The following PRPF31 variants were observed in gnomAD, a reference collection of about 807,000 sequenced individuals.
PRPF31 encodes the protein U4/U6 small nuclear ribonucleoprotein Prp31.
In PRPF31, 12 loss-of-function variants were observed where a neutral mutation model predicts 60.4. The ratio of observed to expected loss-of-function variants is 0.20; its 90% CI spans 0.13 to 0.32. The LOEUF (loss-of-function observed/expected upper bound fraction) is 0.32. Ranked by LOEUF, PRPF31 falls within the 10% of genes least tolerant of loss-of-function variation. The pLI, the probability that PRPF31 is intolerant of heterozygous loss-of-function variation, is 1.00. For synonymous variants in PRPF31, 287 were observed against 287.9 expected (o/e 1.00, Z 0.03); for missense variants, 431 against 687.1 (o/e 0.63, Z 4.17).
chr19:54,127,470 T>C (rs1404915344), intron 9 of PRPF31, among the ~76,000 whole-genome samples: 1 of 152,146 alleles, frequency 6.6e-6, no homozygotes, highest in Non-Finnish European at 1.5e-5. Context: ...TCTTCCCAGC[T>C]CACAATCCTT....
intron 3 of PRPF31, 160 bp from the exon 4 acceptor site, chr19:54,121,700 C>T: frequency 1.4e-6 from 1 of 735,590 alleles, no homozygotes; most frequent in South Asian, 1.5e-5. Context: ...GGCAGGAACA[C>T]AAGTTCAGGG....
intron 6 of PRPF31, 61 bp downstream of exon 6, chr19:54,123,621 C>A: frequency 7.5e-6 from 12 of 1,607,418 alleles, no homozygotes; most frequent in Non-Finnish European, 1.0e-5. Context: ...GCTGGAGCTA[C>A]ACACGCAGGT....
chr19:54,123,045 AAG>A (rs2073831607), intron 5 of PRPF31: 2 of 442,600 alleles, frequency 4.5e-6, no homozygotes, highest in Non-Finnish European at 8.4e-6. Flanking sequence ...GGTTTCGGAA[AAG>A]AGGGGCAGGT....
chr19:54,118,220 G>A, intron 1 of PRPF31, 51 bp from the exon 2 acceptor site: 1 of 1,611,808 alleles, frequency 6.2e-7, no homozygotes, highest in Non-Finnish European at 8.5e-7. Flanking sequence ...CAGTAATAAG[G>A]AGGGACTTTG....
intron 1 of PRPF31, among the ~76,000 whole-genome samples, chr19:54,117,971 T>C (rs1305000544): frequency 6.6e-6 from 1 of 152,164 alleles, no homozygotes; most frequent in Non-Finnish European, 1.5e-5. Context: ...AAAGTATGTT[T>C]TCAAGGCTAA....
At chr19:54,130,098 G>A (rs1403887018) in intron 13 of PRPF31, among the ~76,000 whole-genome samples, 1 of 138,730 alleles carries the variant, frequency 7.2e-6, no homozygotes, top group Non-Finnish European at 1.6e-5. Flanking sequence ...GATGTCCAGT[G>A]TAGGAGAAGG....
At position 54,118,403 on chromosome 19, in the gene PRPF31, A is replaced by G; in HGVS notation, c.125A>G (p.Asp42Gly). 1 of 1,614,156 alleles carries G rather than the reference A, an allele frequency of 6.2e-7. No homozygotes were observed. Among genetic ancestry groups the G allele is most frequent in the Non-Finnish European group, 8.5e-7 (1 of 1,180,042 alleles). Residue 42 changes from aspartate (D) to glycine (G), a missense_variant, in exon 2 of 14, where the codon GAT (aspartate) becomes GGT (glycine). Transcript: ENST00000321030. ...IEDVQEETQL[D>G]LSGDSVKTIA... Reference sequence around the variant, plus strand: ...GATGTGCAGGAGGAGACACAGCTGGATCTTTCCGGGGATTCAGTCAAGACC... The same window carrying G: ...GATGTGCAGGAGGAGACACAGCTGGGTCTTTCCGGGGATTCAGTCAAGACC...
In PRPF31 at chr19:54,129,267, C is replaced by T. The variant is rs1410441666; in HGVS notation, c.1276-5C>T. ...CAGATCGCAGCCTCCCTGTCCTCCCCACAGCGGACCCTGCAGAAGCAGAGC... is the reference window on the plus strand; with the variant it reads ...CAGATCGCAGCCTCCCTGTCCTCCCTACAGCGGACCCTGCAGAAGCAGAGC... On this transcript the variant is annotated splice_polypyrimidine_tract_variant and splice_region_variant and intron_variant, in intron 12 of 13. Transcript: ENST00000321030. 1 of 1,610,768 alleles carries T rather than the reference C, an allele frequency of 6.2e-7. No individual in the cohort carries two copies. Among genetic ancestry groups the T allele is most frequent in the Non-Finnish European group, 8.5e-7 (1 of 1,179,186 alleles).
At chr19:54,123,585 C>T (rs368324990) in intron 6 of PRPF31, 25 bp downstream of exon 6, 215 of 1,610,808 alleles carry the variant, frequency 1.3e-4, no homozygotes, top group Middle Eastern at 3.3e-4. Context: ...AGGGAGGCGC[C>T]GGGCCCTAAT....
At chr19:54,125,072 A>G in intron 8 of PRPF31, 1 of 317,080 alleles carries the variant, frequency 3.2e-6, no homozygotes, top group Non-Finnish European at 6.2e-6. Flanking sequence ...TGAGGGCTGC[A>G]CATCAGCCAT....
chr19:54,120,899 C>T (rs2073769396), intron 3 of PRPF31, among the ~76,000 whole-genome samples: 1 of 152,132 alleles, frequency 6.6e-6, no homozygotes, highest in East Asian at 1.9e-4. Flanking sequence ...CAGGTATGAG[C>T]CACTGTGCCT....
At chr19:54,124,297 C>T in intron 7 of PRPF31, 1 of 650,802 alleles carries the variant, frequency 1.5e-6, no homozygotes, top group Non-Finnish European at 2.7e-6. Flanking sequence ...CCCAGGCCAG[C>T]TGCCCTCCCT....
chr19:54,126,412 A>G lies in PRPF31; in HGVS notation c.856-116A>G, dbSNP rs587627630. On this transcript the variant is annotated intron_variant, in intron 8 of 13. Coordinates refer to ENST00000321030, the MANE Select transcript of PRPF31 (RefSeq NM_015629.4). ...ACACACCTCTAGAGCCCAAGGGTGGAAAGCCCCCTTCCAGGACCCCAGGTA... is the reference window on the plus strand; with the variant it reads ...ACACACCTCTAGAGCCCAAGGGTGGGAAGCCCCCTTCCAGGACCCCAGGTA... The G allele has an allele frequency of 7.5e-6, 7 of 933,940 alleles. No homozygotes were observed. The East Asian group carries it at 1.0e-4, about 14-fold the overall frequency. 57.9% of individuals were successfully genotyped at this position (933,940 alleles called of 1,614,324 possible). A position where few individuals can be genotyped will look rare whatever the true frequency, so the allele number is the denominator to read the frequency against.
chr19:54,123,948 G>A lies in PRPF31; in HGVS notation c.697+30G>A, dbSNP rs201265344. On this transcript the variant is annotated intron_variant, in intron 7 of 13. Transcript: ENST00000321030. ...GTCCCCGGGCTGGGTCCCATGGAGC[G>A]GGGGTCTGCTGACACTGTGACCTTG... The A allele has an allele frequency of 3.7e-5, 59 of 1,611,736 alleles. No individual in the cohort carries two copies. In the Admixed American group the frequency reaches 4.7e-4, roughly 13 times the overall value.
chr19:54,117,489 T>C (rs1369265124), intron 1 of PRPF31, among the ~76,000 whole-genome samples: 1 of 152,178 alleles, frequency 6.6e-6, no homozygotes, highest in Non-Finnish European at 1.5e-5. Context: ...ACGTTGTAGA[T>C]TGATCGCCTT....
At chr19:54,128,774 T>G (rs587771489) in intron 11 of PRPF31, among the ~76,000 whole-genome samples, 343 of 152,258 alleles carry the variant, frequency 2.3e-3, no homozygotes, top group Admixed American at 5.1e-3. Flanking sequence ...ATTAAACCTG[T>G]TCTGGTTCCT....
At chr19:54,124,960 G>A in intron 8 of PRPF31, 1 of 541,984 alleles carries the variant, frequency 1.8e-6, no homozygotes, top group Non-Finnish European at 3.3e-6. Context: ...AGCACTTACA[G>A]TTCAGGCCTA....
chr19:54,128,091 G>A lies in PRPF31; in HGVS notation c.964G>A (p.Asp322Asn). Residue 322 changes from aspartate (D) to asparagine (N), a missense_variant, in exon 10 of 14, where the codon GAT (aspartate) becomes AAT (asparagine). This residue lies in a region of PRPF31 where 314 missense variants were observed against 475.3 expected (regional missense o/e 0.66). Transcript: ENST00000321030. ...TEGKVGYELK[D>N]EIERKFDKWQ... The stretch of plus-strand genomic sequence containing the variant: ...TCCCCAGGTGGGCTACGAACTGAAG[G>A]ATGAGATCGAGCGCAAATTCGACAA... The A allele has an allele frequency of 1.3e-6, 2 of 1,549,088 alleles. No individual in the cohort carries two copies. Among genetic ancestry groups the A allele is most frequent in the Non-Finnish European group, 1.7e-6 (2 of 1,146,962 alleles).
At chr19:54,124,468 G>GC (rs749277770) in intron 7 of PRPF31, 31 bp from the exon 8 acceptor site, 74 of 1,559,834 alleles carry the variant, frequency 4.7e-5, no homozygotes, top group African/African-American at 2.3e-4. Flanking sequence ...TCTTCTGACC[G>GC]CCCCCCCTTC....
Sources: gnomAD v4.1 joint callset for allele counts (sites outside exome capture counted in the v4.1 genomes callset) on GRCh38, gnomAD v4.1.1 for gene constraint, gnomAD v4.1.1 regional missense constraint, MANE v1.5 for transcripts, NCBI Gene and HGNC (gene_info 2026-07-23, HGNC 2026-07-21) for gene names.